The following NAALADL2 variants were observed in gnomAD, a reference collection of about 807,000 sequenced individuals.
The protein encoded by NAALADL2 is inactive N-acetylated-alpha-linked acidic dipeptidase-like protein 2.
In NAALADL2, 76 loss-of-function variants were observed where a neutral mutation model predicts 87.2. The observed-to-expected ratio is 0.87, with a 90% CI of 0.72 to 1.05. NAALADL2 has a LOEUF of 1.05. Ranked by LOEUF, NAALADL2 falls within the 50% of genes least tolerant of loss-of-function variation. The probability of loss-of-function intolerance (pLI) is 0.00; values close to 1 mark genes in which losing one functional copy is unlikely to be tolerated. For synonymous variants in NAALADL2, 354 were observed against 331.0 expected (o/e 1.07, Z -0.75); for missense variants, 1,089 against 945.8 (o/e 1.15, Z -1.99).
At chr3:175,165,271 C>A (rs893383648) in intron 2 of NAALADL2, among the ~76,000 whole-genome samples, 1 of 152,196 alleles carries the variant, frequency 6.6e-6, no homozygotes, top group Admixed American at 6.6e-5. Context: ...GGACCATGAA[C>A]TTCTTGAGAG....
rs534580726 is a variant in NAALADL2 at position 175,520,447 on chromosome 3, C to T, written c.1653+48689C>T. 1.4e-3 allele frequency among the ~76,000 whole-genome samples: 207 copies of T among 151,506 alleles called. 5 individuals are homozygous for T. Among genetic ancestry groups the T allele is most frequent in the Admixed American group, 3.7e-3 (56 of 15,224 alleles). Reference sequence around the variant, plus strand: ...CCGAGTAGCTGGGACTACAGGCGCCCGCCACCGCGCCCGGCTAATTTTTTG... The same window carrying T: ...CCGAGTAGCTGGGACTACAGGCGCCTGCCACCGCGCCCGGCTAATTTTTTG... On this transcript the variant is annotated intron_variant, in intron 9 of 13. Transcript: ENST00000454872.
At chr3:175,303,437 T>C (rs1473191558) in intron 4 of NAALADL2, among the ~76,000 whole-genome samples, 1 of 152,160 alleles carries the variant, frequency 6.6e-6, no homozygotes, top group Non-Finnish European at 1.5e-5. Flanking sequence ...GAGTTTTGCA[T>C]AGTTTTAACA....
intron 4 of NAALADL2, among the ~76,000 whole-genome samples, chr3:175,317,240 A>G (rs987861075): frequency 3.3e-5 from 5 of 152,280 alleles, no homozygotes; most frequent in Admixed American, 2.0e-4. Flanking sequence ...ACTTAGCTCT[A>G]AAACACTAGG....
At chr3:174,926,455 G>C (rs1236292377) in intron 1 of NAALADL2, among the ~76,000 whole-genome samples, 11 of 152,112 alleles carry the variant, frequency 7.2e-5, no homozygotes, top group Non-Finnish European at 1.5e-5. Flanking sequence ...CAGCCAGAGA[G>C]AAAGGTCGGG....
At chr3:175,660,382 A>G (rs1451703621) in intron 11 of NAALADL2, among the ~76,000 whole-genome samples, 1 of 151,944 alleles carries the variant, frequency 6.6e-6, no homozygotes, top group African/African-American at 2.4e-5. Context: ...TTTTTCGTTG[A>G]TATGTCACAA....
At chr3:175,000,744 A>G (rs1345520968) in intron 1 of NAALADL2, among the ~76,000 whole-genome samples, 3 of 152,230 alleles carry the variant, frequency 2.0e-5, no homozygotes, top group African/African-American at 7.2e-5. Context: ...CTGTGCATCA[A>G]TATTAACACC....
At chr3:175,262,754 T>C (rs1205771739) in intron 4 of NAALADL2, among the ~76,000 whole-genome samples, 1 of 151,928 alleles carries the variant, frequency 6.6e-6, no homozygotes, top group Non-Finnish European at 1.5e-5. Flanking sequence ...TGAAGAAATC[T>C]CTTTAAGTGA....
intron 3 of NAALADL2, among the ~76,000 whole-genome samples, chr3:174,805,685 A>G (rs894344639): frequency 2.0e-5 from 3 of 152,276 alleles, no homozygotes; most frequent in African/African-American, 7.2e-5. Flanking sequence ...TCAACTTGCA[A>G]TAAAATAGAG....
chr3:175,191,153 CTA>C (rs916540633), intron 2 of NAALADL2, among the ~76,000 whole-genome samples: 7 of 152,072 alleles, frequency 4.6e-5, no homozygotes, highest in African/African-American at 1.7e-4. Flanking sequence ...GGAGGGCTAA[CTA>C]TGTGAGATGA....
intron 2 of NAALADL2, among the ~76,000 whole-genome samples, chr3:175,201,815 G>A (rs1188316345): frequency 6.7e-6 from 1 of 148,280 alleles, no homozygotes; most frequent in Non-Finnish European, 1.5e-5. Context: ...AAACAAATTT[G>A]CAAAACTATT....
chr3:175,063,119 A>G (rs1030906458), intron 1 of NAALADL2, among the ~76,000 whole-genome samples: 2 of 152,164 alleles, frequency 1.3e-5, no homozygotes, highest in African/African-American at 4.8e-5. Flanking sequence ...AAAGTCAACT[A>G]GTAGGTAAAA....
At chr3:174,930,838 G>T (rs1427764458) in intron 1 of NAALADL2, among the ~76,000 whole-genome samples, 1 of 151,554 alleles carries the variant, frequency 6.6e-6, no homozygotes, top group African/African-American at 2.4e-5. Flanking sequence ...TAGCCGGGAT[G>T]GTCTCCTTCT....
Position 174,987,231 on chromosome 3 carries a change from C to T in NAALADL2, c.44-109559C>T, listed in dbSNP as rs369378399. Among the ~76,000 whole-genome samples, 3 of 152,198 alleles carry T rather than the reference C, an allele frequency of 2.0e-5. No individual in the cohort carries two copies. The East Asian group carries it at 5.8e-4, about 29-fold the overall frequency. Reference sequence around the variant, plus strand: ...TTAATAAAAAACGAGTGTAAATCTGCACTTTTAGAATTCTTGTAAAATACC... The same window carrying T: ...TTAATAAAAAACGAGTGTAAATCTGTACTTTTAGAATTCTTGTAAAATACC... On this transcript the variant is annotated intron_variant, in intron 1 of 13. Transcript: ENST00000454872.
chr3:174,474,943 A>G (rs1465778219), intron 1 of NAALADL2, among the ~76,000 whole-genome samples: 1 of 152,060 alleles, frequency 6.6e-6, no homozygotes, highest in African/African-American at 2.4e-5. Flanking sequence ...TCTGATATAG[A>G]CATTGCCCTT....
At chr3:175,422,909 C>T (rs112607800) in intron 5 of NAALADL2, among the ~76,000 whole-genome samples, 1 of 150,702 alleles carries the variant, frequency 6.6e-6, no homozygotes, top group Non-Finnish European at 1.5e-5. Context: ...AGCTTGGGGC[C>T]AGGCACCAAC....
At chr3:175,132,550 G>A (rs572753688) in intron 2 of NAALADL2, among the ~76,000 whole-genome samples, 5 of 81,532 alleles carry the variant, frequency 6.1e-5, no homozygotes, top group Non-Finnish European at 1.2e-4. Flanking sequence ...AAGAATGGCC[G>A]GGCGGGGGGG....
chr3:174,985,629 G>T lies in NAALADL2; in HGVS notation c.44-111161G>T, dbSNP rs548947974. ...TCAAAAGTGGTATTATATTGGATGAGATTTGAAACAAGGTATATTTTCTGA... is the reference window on the plus strand; with the variant it reads ...TCAAAAGTGGTATTATATTGGATGATATTTGAAACAAGGTATATTTTCTGA... On this transcript the variant is annotated intron_variant, in intron 1 of 13. Coordinates refer to ENST00000454872, the MANE Select transcript of NAALADL2 (RefSeq NM_207015.3). 9.9e-5 allele frequency among the ~76,000 whole-genome samples: 15 copies of T among 152,256 alleles called. No individual in the cohort carries two copies. In the South Asian group the frequency reaches 3.1e-3, roughly 32 times the overall value.
chr3:174,554,395 C>T (rs563746053), intron 2 of NAALADL2, among the ~76,000 whole-genome samples: 5 of 151,912 alleles, frequency 3.3e-5, no homozygotes, highest in Admixed American at 3.3e-4. Context: ...TATCTAAGTG[C>T]TTATTGTTGA....
intron 2 of NAALADL2, among the ~76,000 whole-genome samples, chr3:175,178,729 A>G (rs182209885): frequency 8.9e-4 from 135 of 152,186 alleles, no homozygotes; most frequent in Non-Finnish European, 1.3e-3. Context: ...ATAAAGTTTC[A>G]ACTAATGATG....
Sources: allele counts gnomAD v4.1 joint callset (sites outside exome capture counted in the v4.1 genomes callset), GRCh38; gene constraint gnomAD v4.1.1; transcripts MANE v1.5; gene names NCBI Gene and HGNC (gene_info 2026-07-23, HGNC 2026-07-21).